The following FAT3 variants were observed in gnomAD, a reference collection of about 807,000 sequenced individuals.
FAT3 encodes the protein FAT atypical cadherin 3, also known as protocadherin Fat 3.
In FAT3, 95 loss-of-function variants were observed where a neutral mutation model predicts 310.2. The observed-to-expected ratio is 0.31, with a 90% CI of 0.26 to 0.36. The LOEUF (loss-of-function observed/expected upper bound fraction) is 0.36, where lower values mean the gene tolerates loss of function less well. Ranked by LOEUF, FAT3 falls within the 10% of genes least tolerant of loss-of-function variation. FAT3 has a pLI of 1.00. For missense variants in FAT3, 5,408 were observed against 5,715.6 expected, an observed-to-expected ratio of 0.95 and a Z score of 1.74; for synonymous variants, 2,314 against 2,192.9, an observed-to-expected ratio of 1.06 and a Z score of -1.54.
intron 3 of FAT3, among the ~76,000 whole-genome samples, chr11:92,637,362 G>A (rs551411548): frequency 1.3e-5 from 2 of 152,278 alleles, no homozygotes; most frequent in South Asian, 4.1e-4. Context: ...TGGCTCAAAA[G>A]AGAGAATGGC....
chr11:92,566,948 A>T (rs1056195455), intron 3 of FAT3, among the ~76,000 whole-genome samples: 101 of 152,312 alleles, frequency 6.6e-4, no homozygotes, highest in Middle Eastern at 3.4e-3. Flanking sequence ...AAGAAAACCT[A>T]GACATTTCCA....
At chr11:92,334,519 C>T (rs1948003451) in intron 1 of FAT3, among the ~76,000 whole-genome samples, 1 of 151,582 alleles carries the variant, frequency 6.6e-6, no homozygotes, top group Admixed American at 6.6e-5. Context: ...CATTTTATAC[C>T]TTCTACAAAA....
intron 1 of FAT3, among the ~76,000 whole-genome samples, chr11:92,271,188 T>C (rs1276291751): frequency 6.6e-6 from 1 of 152,076 alleles, no homozygotes; most frequent in Admixed American, 6.6e-5. Context: ...GGGCTTCCCA[T>C]GAAGACCAGT....
intron 3 of FAT3, among the ~76,000 whole-genome samples, chr11:92,549,463 C>T (rs1179144407): frequency 1.3e-5 from 2 of 152,182 alleles, no homozygotes; most frequent in Non-Finnish European, 2.9e-5. Context: ...CCTTTCTCTC[C>T]TCTTCGGTTA....
chr11:92,877,471 G>A (rs1246608208), intron 22 of FAT3, among the ~76,000 whole-genome samples: 1 of 152,136 alleles, frequency 6.6e-6, no homozygotes, highest in Non-Finnish European at 1.5e-5. Flanking sequence ...CTGTACAGGG[G>A]TTAAAGTAAA....
At chr11:92,570,066 T>G (rs1955617457) in intron 3 of FAT3, among the ~76,000 whole-genome samples, 1 of 152,198 alleles carries the variant, frequency 6.6e-6, no homozygotes, top group African/African-American at 2.4e-5. Flanking sequence ...TCAGTGTTTA[T>G]TTGACAGTCA....
At chr11:92,797,553 C>T (rs1199015657) in intron 9 of FAT3, among the ~76,000 whole-genome samples, 1 of 152,126 alleles carries the variant, frequency 6.6e-6, no homozygotes, top group Non-Finnish European at 1.5e-5. Flanking sequence ...TCTTATTTCC[C>T]AACTTGAATG....
At chr11:92,265,041 AC>A (rs200376113) in intron 1 of FAT3, among the ~76,000 whole-genome samples, 19 of 152,118 alleles carry the variant, frequency 1.2e-4, no homozygotes, top group African/African-American at 4.3e-4. Flanking sequence ...TGAAAAAAAA[AC>A]CAAAATAATT....
rs554730810 is a variant in FAT3 at position 92,824,230 on chromosome 11, G to T, written c.9482-7392G>T. 6.4e-4 allele frequency among the ~76,000 whole-genome samples: 98 copies of T among 152,070 alleles called. 1 individual carries two copies. Among genetic ancestry groups the T allele is most frequent in the Non-Finnish European group, 1.3e-3 (90 of 67,990 alleles). Reference sequence around the variant, plus strand: ...AAATTAGCCGGGCATGGTGGTGTGTGCCTGTAATCCCAGCTACTCCGGAGG... The same window carrying T: ...AAATTAGCCGGGCATGGTGGTGTGTTCCTGTAATCCCAGCTACTCCGGAGG... On this transcript the variant is annotated intron_variant, in intron 13 of 27. Transcript: ENST00000525166.
At chr11:92,358,181 A>C (rs1029839923) in intron 2 of FAT3, among the ~76,000 whole-genome samples, 2 of 152,042 alleles carry the variant, frequency 1.3e-5, no homozygotes, top group African/African-American at 2.4e-5. Flanking sequence ...TGTCTTAAAA[A>C]AATAATAATT....
At chr11:92,425,169 C>T (rs1018636550) in intron 2 of FAT3, among the ~76,000 whole-genome samples, 2 of 150,190 alleles carry the variant, frequency 1.3e-5, no homozygotes, top group African/African-American at 2.5e-5. Context: ...TAGTGAACAG[C>T]TCTGTGAATG....
chr11:92,864,113 A>T (rs1238186270), intron 21 of FAT3, among the ~76,000 whole-genome samples: 1 of 152,254 alleles, frequency 6.6e-6, no homozygotes, highest in African/African-American at 2.4e-5. Context: ...CTTCAGTTAT[A>T]GAACTCTGAT....
At chr11:92,431,584 C>T (rs1434618763) in intron 2 of FAT3, among the ~76,000 whole-genome samples, 8 of 152,172 alleles carry the variant, frequency 5.3e-5, no homozygotes, top group Non-Finnish European at 8.8e-5. Context: ...GAAGTCCTTG[C>T]CCATGCCTAT....
chr11:92,764,811 T>C, intron 5 of FAT3, 68 bp from the exon 6 acceptor site: 1 of 1,450,120 alleles, frequency 6.9e-7, no homozygotes, highest in Non-Finnish European at 9.4e-7. Flanking sequence ...GCAACATGAG[T>C]GACAGATCCA....
At chr11:92,343,460 G>T (rs1188172405) in intron 1 of FAT3, among the ~76,000 whole-genome samples, 1 of 152,080 alleles carries the variant, frequency 6.6e-6, no homozygotes, top group Non-Finnish European at 1.5e-5. Context: ...GGTGAAATAT[G>T]ACCTTGGCTT....
chr11:92,638,867 T>C (rs1941861242), intron 3 of FAT3, among the ~76,000 whole-genome samples: 1 of 152,174 alleles, frequency 6.6e-6, no homozygotes, highest in East Asian at 1.9e-4. Flanking sequence ...ATATTAGTCA[T>C]GTTTCAGACT....
At chr11:92,528,095 TCCCAACC>T (rs1953933938) in intron 3 of FAT3, among the ~76,000 whole-genome samples, 1 of 152,194 alleles carries the variant, frequency 6.6e-6, no homozygotes, top group African/African-American at 2.4e-5. Flanking sequence ...TAACAGATGT[TCCCAACC>T]CCAAAATGGA....
chr11:92,230,694 T>C (rs1323333274), intron 1 of FAT3, among the ~76,000 whole-genome samples: 31 of 152,232 alleles, frequency 2.0e-4, no homozygotes, highest in Admixed American at 2.0e-3. Flanking sequence ...CAAAGAATAG[T>C]AAAATATATC....
chr11:92,756,870 C>G lies in FAT3; in HGVS notation c.3670-4986C>G, dbSNP rs151086132. 4.0e-5 allele frequency among the ~76,000 whole-genome samples: 6 copies of G among 150,766 alleles called. No individual in the cohort carries two copies. In the East Asian group the frequency reaches 1.2e-3, roughly 29 times the overall value. ...TCCTGTTTTGTAATTGTCCTGCCTC[C>G]TGGCTCTGCCTGGCATTCACAGACC... On this transcript the variant is annotated intron_variant, in intron 4 of 27. Coordinates refer to ENST00000525166, the MANE Select transcript of FAT3 (RefSeq NM_001367949.2).
Sources: gnomAD v4.1 joint callset for allele counts (sites outside exome capture counted in the v4.1 genomes callset) on GRCh38, gnomAD v4.1.1 for gene constraint, MANE v1.5 for transcripts, NCBI Gene and HGNC (gene_info 2026-07-23, HGNC 2026-07-21) for gene names.